Variants in IL1RAPL2 observed in about 807,000 individuals in gnomAD.
The protein encoded by IL1RAPL2 is interleukin 1 receptor accessory protein like 2.
Under a neutral mutation model 44.1 loss-of-function variants are expected in IL1RAPL2, and 3 were observed. The ratio of observed to expected loss-of-function variants is 0.07; its 90% confidence interval spans 0.03 to 0.18. The LOEUF (loss-of-function observed/expected upper bound fraction) is 0.18, where lower values mean the gene tolerates loss of function less well. IL1RAPL2 is among the 10% of genes least tolerant of loss of function. IL1RAPL2 has a pLI of 1.00. For synonymous variants in IL1RAPL2, 181 were observed against 178.8 expected, an observed-to-expected ratio of 1.01 and a Z score of -0.10; for missense variants, 391 against 496.4, an observed-to-expected ratio of 0.79 and a Z score of 2.02.
At chrX:104,988,527 C>G (rs1370998002) in intron 2 of IL1RAPL2, among the ~76,000 whole-genome samples, 1 of 111,823 alleles carries the variant, frequency 8.9e-6, no homozygotes, top group Admixed American at 9.5e-5. Flanking sequence ...AGGAAGGTGC[C>G]AATATATAGA....
At chrX:105,683,523 A>G (rs1045476459) in intron 6 of IL1RAPL2, among the ~76,000 whole-genome samples, 2 of 99,359 alleles carry the variant, frequency 2.0e-5, no homozygotes, top group Non-Finnish European at 4.0e-5. Context: ...TCAATTTCCA[A>G]TATAGTAAGT....
chrX:104,662,386 A>C (rs1366022065), intron 2 of IL1RAPL2, among the ~76,000 whole-genome samples: 1 of 111,956 alleles, frequency 8.9e-6, no homozygotes, highest in African/African-American at 3.2e-5. Flanking sequence ...TGATTATTCA[A>C]GTGTAAGTTT....
intron 2 of IL1RAPL2, among the ~76,000 whole-genome samples, chrX:104,740,826 C>T (rs1043865124): frequency 1.8e-5 from 2 of 111,366 alleles, no homozygotes; most frequent in Admixed American, 1.9e-4. Flanking sequence ...TAAAGAATCT[C>T]AGTAAGGGTT....
At chrX:104,607,187 C>T (rs1306176353) in intron 1 of IL1RAPL2, among the ~76,000 whole-genome samples, 2 of 111,910 alleles carry the variant, frequency 1.8e-5, no homozygotes, top group African/African-American at 6.5e-5. Context: ...GCTAGCCAGA[C>T]ACAGAAAACT....
intron 2 of IL1RAPL2, among the ~76,000 whole-genome samples, chrX:104,693,959 C>A (rs1181370914): frequency 8.9e-6 from 1 of 111,788 alleles, no homozygotes; most frequent in Non-Finnish European, 1.9e-5. Context: ...TCTAGCCAAT[C>A]TTGCCAAAAC....
At chrX:105,244,656 C>T (rs1030032404) in intron 4 of IL1RAPL2, among the ~76,000 whole-genome samples, 1 of 111,960 alleles carries the variant, frequency 8.9e-6, no homozygotes, top group African/African-American at 3.2e-5. Context: ...GGGTACCTCA[C>T]TTGGTCATTC....
chrX:104,978,047 C>A (rs1393221251), intron 2 of IL1RAPL2, among the ~76,000 whole-genome samples: 2 of 111,329 alleles, frequency 1.8e-5, no homozygotes, highest in Non-Finnish European at 3.8e-5. Flanking sequence ...TCAGTCTGGT[C>A]CAGAACCCAA....
chrX:105,219,290 A>G, intron 3 of IL1RAPL2: 1 of 1,210,683 alleles, frequency 8.3e-7, no homozygotes, highest in Non-Finnish European at 1.1e-6. Flanking sequence ...GAGTATGAGT[A>G]TGAGTATGAG....
intron 4 of IL1RAPL2, among the ~76,000 whole-genome samples, chrX:105,234,795 G>A (rs928224994): frequency 1.6e-4 from 15 of 94,800 alleles, no homozygotes; most frequent in African/African-American, 7.2e-4. Context: ...GCAACAGAGC[G>A]AGACTCCATC....
chrX:105,015,896 C>T (rs1261740650), intron 2 of IL1RAPL2, among the ~76,000 whole-genome samples: 3 of 111,392 alleles, frequency 2.7e-5, no homozygotes, highest in Non-Finnish European at 5.7e-5. Flanking sequence ...CTATAAATTA[C>T]TTTGATCAGT....
chrX:104,961,372 A>G (rs1338657692), intron 2 of IL1RAPL2, among the ~76,000 whole-genome samples: 2 of 111,733 alleles, frequency 1.8e-5, no homozygotes, highest in African/African-American at 6.5e-5. Context: ...AGAGATCTGA[A>G]TTAGCTTTTC....
chrX:105,667,899 A>G (rs781571351), intron 6 of IL1RAPL2, among the ~76,000 whole-genome samples: 118 of 111,310 alleles, frequency 1.1e-3, no homozygotes, highest in African/African-American at 3.7e-3. Flanking sequence ...GTAACAATTA[A>G]CACAGGTAAT....
chrX:104,842,920 G>A (rs1921949482), intron 2 of IL1RAPL2, among the ~76,000 whole-genome samples: 2 of 112,776 alleles, frequency 1.8e-5, no homozygotes, highest in African/African-American at 6.4e-5. Flanking sequence ...CTGGTGCACT[G>A]TGCTGGTAGA....
intron 2 of IL1RAPL2, among the ~76,000 whole-genome samples, chrX:105,100,967 G>C (rs1297872159): frequency 6.2e-5 from 7 of 112,570 alleles, no homozygotes; most frequent in Non-Finnish European, 3.8e-5. Context: ...GTACTTGCTG[G>C]TGCCAATTTA....
intron 2 of IL1RAPL2, among the ~76,000 whole-genome samples, chrX:104,978,464 T>G (rs1361298167): frequency 8.9e-6 from 1 of 112,279 alleles, no homozygotes; most frequent in African/African-American, 3.2e-5. Flanking sequence ...TACACTCGCT[T>G]TTCCTCCTGA....
chrX:105,022,628 G>A (rs1376659208), intron 2 of IL1RAPL2, among the ~76,000 whole-genome samples: 2 of 111,363 alleles, frequency 1.8e-5, no homozygotes, highest in African/African-American at 6.5e-5. Flanking sequence ...GCATGAGACT[G>A]TCTTGTTAAA....
intron 1 of IL1RAPL2, among the ~76,000 whole-genome samples, chrX:104,641,252 G>T (rs1184374566): frequency 9.0e-6 from 1 of 111,547 alleles, no homozygotes; most frequent in African/African-American, 3.3e-5. Flanking sequence ...GAGTGCTCAG[G>T]TGCCCACGGT....
intron 5 of IL1RAPL2, among the ~76,000 whole-genome samples, chrX:105,323,383 A>G (rs1444189764): frequency 9.0e-6 from 1 of 111,644 alleles, no homozygotes; most frequent in Non-Finnish European, 1.9e-5. Flanking sequence ...TGCCTATAAC[A>G]TTTCCACCAA....
chrX:104,951,207 A>G (rs1602848052), intron 2 of IL1RAPL2, among the ~76,000 whole-genome samples: 1 of 111,950 alleles, frequency 8.9e-6, no homozygotes, highest in South Asian at 3.7e-4. Flanking sequence ...TCCTCAACCA[A>G]TATTTTTAAC....
Sources: gnomAD v4.1 joint callset for allele counts (sites outside exome capture counted in the v4.1 genomes callset) on GRCh38, gnomAD v4.1.1 for gene constraint, MANE v1.5 for transcripts, NCBI Gene and HGNC (gene_info 2026-07-23, HGNC 2026-07-21) for gene names.